Variants in BAHCC1 observed in about 807,000 individuals in gnomAD.
BAHCC1 encodes the protein BAH and coiled-coil domain-containing protein 1.
BAHCC1 carries 43 observed loss-of-function variants against 88.2 expected under a neutral mutation model. That is an observed-to-expected ratio of 0.49 (90% confidence interval 0.38 to 0.63). The LOEUF is 0.63. Ranked by LOEUF, BAHCC1 falls within the 20% of genes least tolerant of loss-of-function variation. BAHCC1 has a pLI of 0.00. For synonymous variants in BAHCC1, 1,510 were observed against 745.5 expected (o/e 2.03, Z -16.71); for missense variants, 3,023 against 1,654.8 (o/e 1.83, Z -14.34).
chr17:81,412,995 G>T (rs1014534279), intron 2 of BAHCC1: 2 of 296,378 alleles, frequency 6.7e-6, no homozygotes, highest in Non-Finnish European at 1.4e-5. Flanking sequence ...CTCACCTTGC[G>T]GGGGCAGTGG....
In BAHCC1 at chr17:81,399,836, G is replaced by T. The variant is rs1555645707; in HGVS notation, c.97G>T (p.Ala33Ser). 7 of 1,356,114 alleles carry T rather than the reference G, an allele frequency of 5.2e-6. No homozygotes were observed. Among genetic ancestry groups the T allele is most frequent in the Non-Finnish European group, 5.7e-6 (6 of 1,053,838 alleles). 84.0% of individuals were successfully genotyped at this position (1,356,114 alleles called of 1,614,324 possible). ...SAAAAARLAPAGPAAQPPAHF... is the reference protein window; with the variant it reads ...SAAAAARLAPSGPAAQPPAHF... Reference sequence around the variant, plus strand: ...CGCTGCCGCCGCGCGTCTCGCCCCGGCTGGGCCCGCCGCGCAGCCCCCCGC... The same window carrying T: ...CGCTGCCGCCGCGCGTCTCGCCCCGTCTGGGCCCGCCGCGCAGCCCCCCGC... Residue 33 changes from alanine (A) to serine (S), a missense_variant, in exon 2 of 28, where the codon GCT (alanine) becomes TCT (serine). Transcript: ENST00000675386. This position sits in a 1 kb window ranked among gnomAD's most constrained non-coding sequence, Gnocchi z 4.5.
rs1430103956 is a variant in BAHCC1 at position 81,445,698 on chromosome 17, G to A, written c.3163+17G>A. 2.9e-5 allele frequency: 21 copies of A among 719,518 alleles called. No homozygotes were observed. In the Admixed American group the frequency reaches 4.0e-4, roughly 14 times the overall value. The allele number at this position is 719,518 out of a possible 1,614,324, so 44.6% of individuals were successfully genotyped here. On this transcript the variant is annotated intron_variant, in intron 10 of 27. Coordinates refer to ENST00000675386, the MANE Select transcript of BAHCC1 (RefSeq NM_001377448.1). The stretch of plus-strand genomic sequence containing the variant: ...CCGAACCAGGTGAGAGTAGCCGCCT[G>A]GCCCGGCCCACTGTGCTCCGCTCCA...
intron 4 of BAHCC1, among the ~76,000 whole-genome samples, chr17:81,439,866 G>T (rs2064387354): frequency 1.3e-5 from 2 of 152,112 alleles, no homozygotes; most frequent in South Asian, 2.1e-4. Flanking sequence ...AGGGACCCGA[G>T]GCCAGTCTGC....
intron 3 of BAHCC1, among the ~76,000 whole-genome samples, chr17:81,433,413 C>T (rs1417746889): frequency 6.6e-6 from 1 of 152,176 alleles, no homozygotes; most frequent in Non-Finnish European, 1.5e-5. Context: ...CCCATAGCTG[C>T]AGTCACTGCT....
At position 81,461,609 on chromosome 17, in the gene BAHCC1, G is replaced by A. The variant is rs367849468; in HGVS notation, c.6946G>A (p.Val2316Met). 17 of 737,096 alleles carry A rather than the reference G, an allele frequency of 2.3e-5. No individual in the cohort carries two copies. Among genetic ancestry groups the A allele is most frequent in the Admixed American group, 3.9e-5 (2 of 51,558 alleles). 45.7% of individuals were successfully genotyped at this position (737,096 alleles called of 1,614,324 possible). A position where few individuals can be genotyped will look rare whatever the true frequency, so the allele number is the denominator to read the frequency against. ...VPSRFLARLS[V>M]SSSSSGSSTS... ...CTCCCGCTTCCTCGCCCGCCTGTCCGTGTCCTCTTCCTCCTCTGGCTCGTC... is the reference window on the plus strand; with the variant it reads ...CTCCCGCTTCCTCGCCCGCCTGTCCATGTCCTCTTCCTCCTCTGGCTCGTC... The change falls in exon 26 of 28, where the codon GTG becomes ATG. Residue 2316 changes from valine to methionine, a missense_variant. Physicochemically the swap from Val to Met is conservative, Grantham distance 21. Transcript: ENST00000675386.
intron 2 of BAHCC1, chr17:81,410,987 T>C: frequency 4.3e-6 from 2 of 470,116 alleles, no homozygotes; most frequent in Non-Finnish European, 8.5e-6. Context: ...AAAGGAGGGC[T>C]TCGGAGCCGC....
At position 81,445,534 on chromosome 17, in the gene BAHCC1, C is replaced by T. The variant is rs1555654104; in HGVS notation, c.3016C>T (p.Pro1006Ser). The change falls in exon 10 of 28, where the codon CCC becomes TCC. Residue 1006 changes from proline to serine, a missense_variant. Transcript: ENST00000675386. ...CGACCCAAAGCCCCCCGCCAGCTCCCCCACCCCACCACCTCGGCCCAGCGC... is the reference window on the plus strand; with the variant it reads ...CGACCCAAAGCCCCCCGCCAGCTCCTCCACCCCACCACCTCGGCCCAGCGC... ...PPDPKPPASSPTPPPRPSAPC... is the reference protein window; with the variant it reads ...PPDPKPPASSSTPPPRPSAPC... The T allele has an allele frequency of 1.4e-6, 1 of 728,476 alleles. No individual in the cohort carries two copies. Among genetic ancestry groups the T allele is most frequent in the Admixed American group, 1.9e-5 (1 of 52,044 alleles). The allele number at this position is 728,476 out of a possible 1,614,324, so 45.1% of individuals were successfully genotyped here.
intron 27 of BAHCC1, among the ~76,000 whole-genome samples, chr17:81,463,306 C>T (rs1568040929): frequency 6.6e-6 from 1 of 152,224 alleles, no homozygotes; most frequent in Admixed American, 6.5e-5. Context: ...GCACTCAGCA[C>T]ACCCTCTGCT....
rs1351232811 is a variant in BAHCC1, at chr17:81,425,395, ATAG to A, written c.179-1403_179-1401del. ...GTGGTTGGTGGTGTGGTTGGTGGTG[ATAG>A]TGGTGGGTGATGTGGTTGGTGGGTG... is the stretch of plus-strand genomic sequence containing the variant. On this transcript the variant is annotated intron_variant, in intron 2 of 27. Coordinates refer to ENST00000675386, the MANE Select transcript of BAHCC1 (RefSeq NM_001377448.1). Among the ~76,000 whole-genome samples, 101 of 31,402 alleles carry A rather than the reference ATAG, an allele frequency of 3.2e-3. 3 individuals are homozygous for A. Among genetic ancestry groups the A allele is most frequent in the Non-Finnish European group, 2.4e-3 (43 of 18,290 alleles). 20.6% of individuals were successfully genotyped at this position (31,402 alleles called of 152,430 possible).
At chr17:81,441,610 C>T (rs763686091) in intron 4 of BAHCC1, among the ~76,000 whole-genome samples, 6 of 147,438 alleles carry the variant, frequency 4.1e-5, no homozygotes, top group Non-Finnish European at 7.4e-5. Context: ...TGCAGTGAGC[C>T]GAGGTCACGC....
rs954724208 is a variant in BAHCC1, at chr17:81,461,719, G to C, written c.7056G>C (p.Glu2352Asp). The C allele has an allele frequency of 2.6e-5, 19 of 718,824 alleles. No individual in the cohort carries two copies. Among genetic ancestry groups the C allele is most frequent in the Admixed American group, 2.4e-4 (12 of 50,076 alleles). 44.5% of individuals were successfully genotyped at this position (718,824 alleles called of 1,614,324 possible). A position where few individuals can be genotyped will look rare whatever the true frequency, so the allele number is the denominator to read the frequency against. ...ACTCGTCCTACAGCTCAGACGACGA[G>C]GACCCGGCTCTGCTGCTGCAGACCT... ...NEDSSYSSDD[E>D]DPALLLQTCL... The change falls in exon 26 of 28, where the codon GAG becomes GAC. Residue 2352 changes from glutamate (E) to aspartate (D), a missense_variant. Physicochemically the swap from Glu to Asp is conservative, Grantham distance 45. Transcript: ENST00000675386.
chr17:81,397,150 G>C (rs1555645032), intron 1 of BAHCC1: 1 of 152,192 alleles, frequency 6.6e-6, no homozygotes, highest in Non-Finnish European at 1.5e-5. Context: ...GCCTCTCCCC[G>C]GGAGGAGAGA....
At position 81,458,902 on chromosome 17, in the gene BAHCC1, G is replaced by A. The variant is rs1568035682; in HGVS notation, c.5538G>A (p.Glu1846=). 2.6e-6 allele frequency: 2 copies of A among 773,506 alleles called. No homozygotes were observed. Among genetic ancestry groups the A allele is most frequent in the Non-Finnish European group, 4.8e-6 (2 of 413,794 alleles). The allele number at this position is 773,506 out of a possible 1,614,324, so 47.9% of individuals were successfully genotyped here. The change falls in exon 20 of 28, where the codon GAG becomes GAA. Residue 1846 remains glutamate (E), a synonymous_variant. Transcript: ENST00000675386. ...EFDDNSSFSE[E]EEDEEEEEED... ...ACGACAACAGCAGCTTCTCGGAAGA[G>A]GAGGAGGACGAGGAGGAAGAGGAGG...
At chr17:81,400,444 T>TA (rs142774561) in intron 2 of BAHCC1, among the ~76,000 whole-genome samples, 4,904 of 152,208 alleles carry the variant, frequency 0.032, 140 homozygotes, top group Admixed American at 0.079. Context: ...TATAAAGCCT[T>TA]AAAGTGTCAG....
chr17:81,414,343 G>A (rs1336433122), intron 2 of BAHCC1, among the ~76,000 whole-genome samples: 10 of 152,332 alleles, frequency 6.6e-5, no homozygotes, highest in East Asian at 3.9e-4. Flanking sequence ...CCAGTGGTCC[G>A]TGAGGCCGGC....
intron 2 of BAHCC1, among the ~76,000 whole-genome samples, chr17:81,420,091 G>A (rs924860590): frequency 6.6e-6 from 1 of 152,156 alleles, no homozygotes; most frequent in African/African-American, 2.4e-5. Context: ...CTGCTGGCAC[G>A]GCTGCTGGAC....
In BAHCC1 at chr17:81,442,378, G is replaced by C. The variant is rs1384880865; in HGVS notation, c.1029G>C (p.Met343Ile). 1 of 704,194 alleles carries C rather than the reference G, an allele frequency of 1.4e-6. No homozygotes were observed. Among genetic ancestry groups the C allele is most frequent in the East Asian group, 2.7e-5 (1 of 37,156 alleles). 43.6% of individuals were successfully genotyped at this position (704,194 alleles called of 1,614,324 possible). A position where few individuals can be genotyped will look rare whatever the true frequency, so the allele number is the denominator to read the frequency against. ...GCGAGTGCCTGGAGCGGCGGCAGATGCTACACCACACCGCATCCTACGCCG... is the reference window on the plus strand; with the variant it reads ...GCGAGTGCCTGGAGCGGCGGCAGATCCTACACCACACCGCATCCTACGCCG... ...AFSECLERRQ[M>I]LHHTASYAGP... Residue 343 changes from methionine (M) to isoleucine (I), a missense_variant, in exon 5 of 28, where the codon ATG becomes ATC. By Grantham distance (10) the Met-to-Ile change is conservative. Coordinates refer to ENST00000675386, the MANE Select transcript of BAHCC1 (RefSeq NM_001377448.1).
Position 81,456,332 on chromosome 17 carries a change from C to T in BAHCC1, c.4605C>T (p.Gly1535=), listed in dbSNP as rs372621923. 6.9e-5 allele frequency: 50 copies of T among 722,082 alleles called. No homozygotes were observed. In the African/African-American group the frequency reaches 7.5e-4, roughly 11 times the overall value. 44.7% of individuals were successfully genotyped at this position (722,082 alleles called of 1,614,324 possible). A position where few individuals can be genotyped will look rare whatever the true frequency, so the allele number is the denominator to read the frequency against. ...KAQCKKSSCQ[G]GLAPSVAHRV... ...AGTGTAAGAAGAGCAGCTGTCAGGGCGGGCTGGCGCCCTCCGTGGCCCACA... is the reference window on the plus strand; with the variant it reads ...AGTGTAAGAAGAGCAGCTGTCAGGGTGGGCTGGCGCCCTCCGTGGCCCACA... Residue 1535 remains glycine, a synonymous_variant, in exon 16 of 28, where the codon GGC becomes GGT. Coordinates refer to ENST00000675386, the MANE Select transcript of BAHCC1 (RefSeq NM_001377448.1).
At chr17:81,448,578 C>T (rs1412053431) in intron 11 of BAHCC1, among the ~76,000 whole-genome samples, 1 of 152,232 alleles carries the variant, frequency 6.6e-6, no homozygotes, top group Non-Finnish European at 1.5e-5. Context: ...CCGGGCACGG[C>T]GCCGTGGTTG....
Sources: allele counts gnomAD v4.1 joint callset (sites outside exome capture counted in the v4.1 genomes callset), GRCh38; gene constraint gnomAD v4.1.1; non-coding constraint Gnocchi (gnomAD v3.1); transcripts MANE v1.5; gene names NCBI Gene and HGNC (gene_info 2026-07-23, HGNC 2026-07-21).